The following DNM3 variants were observed in gnomAD, a reference collection of about 807,000 sequenced individuals.
DNM3 encodes the protein dynamin 3.
A neutral mutation model predicts 101.6 loss-of-function variants in DNM3; 47 were observed. The observed-to-expected ratio is 0.46, with a 90% CI of 0.37 to 0.59. The LOEUF (loss-of-function observed/expected upper bound fraction) is 0.59. DNM3 is among the 20% of genes least tolerant of loss of function. DNM3 has a pLI of 0.00. For missense variants in DNM3, 849 were observed against 1,085.7 expected, an observed-to-expected ratio of 0.78 and a Z score of 3.06; for synonymous variants, 385 against 387.9, an observed-to-expected ratio of 0.99 and a Z score of 0.09.
At chr1:171,921,953 C>A in intron 2 of DNM3, 132 bp downstream of exon 2, 1 of 673,460 alleles carries the variant, frequency 1.5e-6, no homozygotes, top group Non-Finnish European at 2.6e-6. Flanking sequence ...ACATTTCTCT[C>A]CAGAATGCTG....
At chr1:172,085,100 C>T (rs2053438511) in intron 12 of DNM3, among the ~76,000 whole-genome samples, 1 of 151,852 alleles carries the variant, frequency 6.6e-6, no homozygotes, top group African/African-American at 2.4e-5. Context: ...TCCAAATAAG[C>T]ACTGCTCTAG....
intron 14 of DNM3, among the ~76,000 whole-genome samples, chr1:172,176,616 A>G (rs1375352001): frequency 6.6e-6 from 1 of 151,850 alleles, no homozygotes; most frequent in Non-Finnish European, 1.5e-5. Context: ...AGCTAGAATC[A>G]CCTAGCTAAG....
intron 13 of DNM3, among the ~76,000 whole-genome samples, chr1:172,104,908 C>A (rs533958252): frequency 6.6e-6 from 1 of 152,320 alleles, no homozygotes; most frequent in South Asian, 2.1e-4. Flanking sequence ...TCTAGTTCTG[C>A]CACTTGCCAG....
chr1:172,247,608 C>A lies in DNM3; in HGVS notation c.1660-5965C>A, dbSNP rs150838553. 4.0e-3 allele frequency among the ~76,000 whole-genome samples: 613 copies of A among 151,678 alleles called. 2 individuals carry two copies. Among genetic ancestry groups the A allele is most frequent in the African/African-American group, 0.014 (586 of 41,434 alleles). ...TAAAAAACATATTTGGTGCCATTAGCGGCTTTTTCGTATGTTAATATTTCT... is the reference window on the plus strand; with the variant it reads ...TAAAAAACATATTTGGTGCCATTAGAGGCTTTTTCGTATGTTAATATTTCT... On this transcript the variant is annotated intron_variant, in intron 14 of 20. Coordinates refer to ENST00000627582, the MANE Select transcript of DNM3 (RefSeq NM_015569.5).
chr1:172,047,937 T>C (rs2049935198), intron 9 of DNM3, among the ~76,000 whole-genome samples: 1 of 152,144 alleles, frequency 6.6e-6, no homozygotes. Context: ...CTACTGACCT[T>C]TTGTTTAAAT....
intron 1 of DNM3, among the ~76,000 whole-genome samples, chr1:171,880,519 C>T (rs375272825): frequency 1.2e-4 from 18 of 151,978 alleles, no homozygotes; most frequent in African/African-American, 2.7e-4. Context: ...GCATAAGCAA[C>T]GTTAGTTGAA....
intron 1 of DNM3, among the ~76,000 whole-genome samples, chr1:171,870,205 A>G (rs931713503): frequency 4.6e-5 from 7 of 152,224 alleles, no homozygotes; most frequent in Non-Finnish European, 1.0e-4. Flanking sequence ...TATCCGTTTG[A>G]CATGAATTGC....
chr1:172,218,051 C>T (rs548151100), intron 14 of DNM3, among the ~76,000 whole-genome samples: 22 of 152,092 alleles, frequency 1.4e-4, no homozygotes, highest in South Asian at 1.2e-3. Context: ...TCTGGTTATC[C>T]GCTATTTAAA....
In DNM3 at chr1:171,860,843, G is replaced by C. The variant is rs2034100406; in HGVS notation, c.161+19026G>C. ...ATGAAAAAACGACTCTCAAGTTTTTGACTTGTGACTGGATTGCAGTGTTGC... is the reference window on the plus strand; with the variant it reads ...ATGAAAAAACGACTCTCAAGTTTTTCACTTGTGACTGGATTGCAGTGTTGC... On this transcript the variant is annotated intron_variant, in intron 1 of 20. Coordinates refer to ENST00000627582, the MANE Select transcript of DNM3 (RefSeq NM_015569.5). 4.6e-5 allele frequency among the ~76,000 whole-genome samples: 7 copies of C among 152,024 alleles called. No homozygotes were observed. In the South Asian group the frequency reaches 1.2e-3, roughly 27 times the overall value.
In DNM3 at chr1:172,068,902, C is replaced by T. The variant is rs1183280704; in HGVS notation, c.1419C>T (p.Asp473=). 14 of 1,558,920 alleles carry T rather than the reference C, an allele frequency of 9.0e-6. No individual in the cohort carries two copies. The highest frequency in any genetic ancestry group is 1.2e-5 in the Non-Finnish European group (14 of 1,151,008). ...HIREREGKTK[D]QVLLLIDIQV... is the part of the protein sequence containing the mutation. Reference sequence around the variant, plus strand: ...GTGAGCGAGAAGGGAAGACAAAGGACCAGGTAAAGAGAGGTCTTCCCTGGT... The same window carrying T: ...GTGAGCGAGAAGGGAAGACAAAGGATCAGGTAAAGAGAGGTCTTCCCTGGT... The change falls in exon 11 of 21, where the codon GAC becomes GAT. Residue 473 remains aspartate, a synonymous_variant. Transcript: ENST00000627582.
At chr1:172,318,617 T>C (rs542440437) in intron 16 of DNM3, among the ~76,000 whole-genome samples, 2,787 of 152,266 alleles carry the variant, frequency 0.018, 93 homozygotes, top group African/African-American at 0.062. Flanking sequence ...AGCCAAATCA[T>C]GAGTGAACTA....
In DNM3 at chr1:171,841,740, G is replaced by A. The variant is rs1173929731; in HGVS notation, c.84G>A (p.Leu28=). The A allele has an allele frequency of 7.8e-5, 125 of 1,610,496 alleles. No individual in the cohort carries two copies. In the Admixed American group the frequency reaches 2.1e-3, roughly 27 times the overall value. The change falls in exon 1 of 21, where the codon CTG becomes CTA. Residue 28 remains leucine, a synonymous_variant. Transcript: ENST00000627582. ...TTTCGGCGCTGGGACAGAGCTGCCT[G>A]CTGGAGCTGCCGCAGATCGCCGTGG... The part of the protein sequence containing the change: ...DAFSALGQSC[L]LELPQIAVVG...
chr1:172,221,741 T>C (rs1239951219), intron 14 of DNM3, among the ~76,000 whole-genome samples: 1 of 152,126 alleles, frequency 6.6e-6, no homozygotes, highest in Non-Finnish European at 1.5e-5. Context: ...CACACCACAC[T>C]GTCTCTCTTG....
chr1:172,143,707 T>C (rs929209486), intron 14 of DNM3, among the ~76,000 whole-genome samples: 1 of 152,068 alleles, frequency 6.6e-6, no homozygotes, highest in Non-Finnish European at 1.5e-5. Flanking sequence ...TATTAACCAC[T>C]CTTTGATTTA....
chr1:171,925,004 AT>A (rs2040451295), intron 2 of DNM3, among the ~76,000 whole-genome samples: 1 of 149,748 alleles, frequency 6.7e-6, no homozygotes, highest in Non-Finnish European at 1.5e-5. Flanking sequence ...GGTTCAAGTG[AT>A]TCTCTTGCCT....
chr1:171,974,137 T>A (rs944885577), intron 2 of DNM3, among the ~76,000 whole-genome samples: 18 of 152,188 alleles, frequency 1.2e-4, no homozygotes, highest in Non-Finnish European at 2.2e-4. Context: ...GCAGATATTT[T>A]GGATAGACTT....
chr1:171,851,533 C>T (rs1357709228), intron 1 of DNM3, among the ~76,000 whole-genome samples: 1 of 152,170 alleles, frequency 6.6e-6, no homozygotes, highest in African/African-American at 2.4e-5. Flanking sequence ...CATGCCTCAG[C>T]CACCTGAGTA....
At chr1:172,381,536 T>C (rs907205446) in intron 18 of DNM3, among the ~76,000 whole-genome samples, 1 of 150,968 alleles carries the variant, frequency 6.6e-6, no homozygotes, top group Non-Finnish European at 1.5e-5. Context: ...ATTCTATATA[T>C]GAAAAATATA....
At position 171,845,524 on chromosome 1, in the gene DNM3, G is replaced by A. The variant is rs551216972; in HGVS notation, c.161+3707G>A. The stretch of plus-strand genomic sequence containing the variant: ...AGCCATGATTGTGCCACTGCACTCC[G>A]GCATGGCTGATAGAGCAAGACTCTG... On this transcript the variant is annotated intron_variant, in intron 1 of 20. Coordinates refer to ENST00000627582, the MANE Select transcript of DNM3 (RefSeq NM_015569.5). Among the ~76,000 whole-genome samples the A allele has an allele frequency of 6.0e-4, 92 of 152,248 alleles. 2 individuals carry two copies. The highest frequency in any genetic ancestry group is 5.4e-3 in the Admixed American group (83 of 15,286).
Sources: gnomAD v4.1 joint callset for allele counts (sites outside exome capture counted in the v4.1 genomes callset) on GRCh38, gnomAD v4.1.1 for gene constraint, MANE v1.5 for transcripts, NCBI Gene and HGNC (gene_info 2026-07-23, HGNC 2026-07-21) for gene names.